Variants in XKR6 observed in about 807,000 individuals in gnomAD.
XKR6 encodes the protein XK-related protein 6.
Under a neutral mutation model 56.7 loss-of-function variants are expected in XKR6, and 22 were observed. The ratio of observed to expected loss-of-function variants is 0.39; its 90% CI spans 0.28 to 0.55. The LOEUF (loss-of-function observed/expected upper bound fraction) is 0.55. Among genes scored for constraint, XKR6 ranks in the 20% least tolerant of loss-of-function variants. XKR6 has a pLI of 0.66. For synonymous variants in XKR6, 524 were observed against 387.8 expected (o/e 1.35, Z -4.13); for missense variants, 852 against 889.0 (o/e 0.96, Z 0.53).
At chr8:11,033,815 C>T (rs951797057) in intron 1 of XKR6, among the ~76,000 whole-genome samples, 1 of 152,096 alleles carries the variant, frequency 6.6e-6, no homozygotes, top group African/African-American at 2.4e-5. Flanking sequence ...CCTAGGGGTC[C>T]AGAAATACAC....
intron 1 of XKR6, among the ~76,000 whole-genome samples, chr8:11,047,953 T>TA (rs1284410326): frequency 1.8e-4 from 27 of 152,274 alleles, no homozygotes; most frequent in African/African-American, 5.8e-4. Context: ...ACTCTAAACT[T>TA]AGAGGAGTTA....
chr8:11,025,104 G>C (rs969049909), intron 1 of XKR6, among the ~76,000 whole-genome samples: 2 of 152,212 alleles, frequency 1.3e-5, no homozygotes, highest in African/African-American at 4.8e-5. Flanking sequence ...ACTGGAGCAT[G>C]TCACAGAGGG....
intron 1 of XKR6, among the ~76,000 whole-genome samples, chr8:10,982,109 G>C (rs1181619678): frequency 1.3e-5 from 2 of 152,216 alleles, no homozygotes. Flanking sequence ...TGCAATCAAT[G>C]AAGTCTACAC....
chr8:11,178,661 A>C (rs1433731249), intron 1 of XKR6, among the ~76,000 whole-genome samples: 1 of 134,678 alleles, frequency 7.4e-6, no homozygotes, highest in Non-Finnish European at 1.5e-5. Flanking sequence ...AAATATATAT[A>C]TATACACAGA....
intron 1 of XKR6, among the ~76,000 whole-genome samples, chr8:11,038,730 G>A (rs1202324738): frequency 4.0e-5 from 6 of 151,882 alleles, no homozygotes; most frequent in East Asian, 3.9e-4. Context: ...TTGTAGAGCC[G>A]ATGCCTCCCT....
intron 1 of XKR6, chr8:11,137,224 G>C (rs1800446961): frequency 4.2e-6 from 1 of 238,990 alleles, no homozygotes; most frequent in Non-Finnish European, 8.2e-6. Context: ...GAGAAGAGCT[G>C]TATGTGGTGA....
intron 1 of XKR6, among the ~76,000 whole-genome samples, chr8:11,051,902 A>C (rs1799558757): frequency 6.6e-6 from 1 of 152,156 alleles, no homozygotes; most frequent in Non-Finnish European, 1.5e-5. Context: ...ACATAGGTAT[A>C]CATATGCCAT....
In XKR6 at chr8:11,033,798, TA is replaced by T. The variant is rs1157942910; in HGVS notation, c.765-108969del. ...CCCAGGTCCACTCGTATCTTCAGAT[TA>T]TGACTCCTAGGGGTCCAGAAATACA... is the stretch of plus-strand genomic sequence containing the variant. On this transcript the variant is annotated intron_variant, in intron 1 of 2. Coordinates refer to ENST00000416569, the MANE Select transcript of XKR6 (RefSeq NM_173683.4). 4.6e-5 allele frequency among the ~76,000 whole-genome samples: 7 copies of T among 152,318 alleles called. No homozygotes were observed. The East Asian group carries it at 1.4e-3, about 29-fold the overall frequency.
intron 2 of XKR6, among the ~76,000 whole-genome samples, chr8:10,911,488 T>TAGAG (rs1344261984): frequency 6.8e-6 from 1 of 146,840 alleles, no homozygotes; most frequent in African/African-American, 2.5e-5. Context: ...TATATATATA[T>TAGAG]AGAGAGAGAG....
Position 11,093,257 on chromosome 8 carries a change from G to A in XKR6, c.764+107319C>T, listed in dbSNP as rs189040912. Among the ~76,000 whole-genome samples the A allele has an allele frequency of 2.1e-3, 323 of 152,230 alleles. 3 individuals are homozygous for A. The highest frequency in any genetic ancestry group is 7.5e-3 in the African/African-American group (312 of 41,524). On this transcript the variant is annotated intron_variant, in intron 1 of 2. Transcript: ENST00000416569. ...TTTAGTAGAGACAGGCTTTCACCAT[G>A]TTGACCAGGCTAGTGTCGAACTCCT...
intron 1 of XKR6, among the ~76,000 whole-genome samples, chr8:10,946,747 C>A (rs973469960): frequency 6.6e-6 from 1 of 152,166 alleles, no homozygotes; most frequent in Non-Finnish European, 1.5e-5. Flanking sequence ...TCCCTGCCCT[C>A]ATGCTGTTCA....
chr8:10,952,862 G>C (rs536616501), intron 1 of XKR6, among the ~76,000 whole-genome samples: 1 of 152,314 alleles, frequency 6.6e-6, no homozygotes, highest in Admixed American at 6.5e-5. Flanking sequence ...CAGGAGGTGA[G>C]TGGCAGGCGA....
intron 1 of XKR6, among the ~76,000 whole-genome samples, chr8:11,092,072 A>G (rs1441622901): frequency 6.6e-6 from 1 of 152,242 alleles, no homozygotes; most frequent in Non-Finnish European, 1.5e-5. Flanking sequence ...AGTTAAGCAT[A>G]CAAATGTTCA....
chr8:10,911,465 ATATG>A (rs1261238880), intron 2 of XKR6, among the ~76,000 whole-genome samples: 4 of 145,554 alleles, frequency 2.7e-5, no homozygotes, highest in Admixed American at 7.0e-5. Flanking sequence ...TAGAGAGAGA[ATATG>A]TATGTGTATA....
At chr8:11,161,382 C>G (rs1801799365) in intron 1 of XKR6, among the ~76,000 whole-genome samples, 1 of 152,200 alleles carries the variant, frequency 6.6e-6, no homozygotes. Context: ...CTCTCCTCAC[C>G]TGAACCAGCC....
At chr8:10,978,375 G>C (rs957762816) in intron 1 of XKR6, among the ~76,000 whole-genome samples, 1 of 152,160 alleles carries the variant, frequency 6.6e-6, no homozygotes, top group Non-Finnish European at 1.5e-5. Flanking sequence ...AATAACTCTT[G>C]TCAAGACTTA....
rs570299760 is a variant in XKR6 at position 11,200,150 on chromosome 8, G to C, written c.764+426C>G. Among the ~76,000 whole-genome samples, 1 of 152,230 alleles carries C rather than the reference G, an allele frequency of 6.6e-6. No individual in the cohort carries two copies. Among genetic ancestry groups the C allele is most frequent in the Non-Finnish European group, 1.5e-5 (1 of 68,032 alleles). On this transcript the variant is annotated intron_variant, in intron 1 of 2. Coordinates refer to ENST00000416569, the MANE Select transcript of XKR6 (RefSeq NM_173683.4). This position sits in a 1 kb window ranked among gnomAD's most constrained non-coding sequence, Gnocchi z 6.4. ...GCAGAGGGAGAACGGGGGAAGAGGG[G>C]AGGATGTCTCACCTGGGAACAAACC...
At chr8:11,191,990 G>A (rs1423685753) in intron 1 of XKR6, among the ~76,000 whole-genome samples, 1 of 152,070 alleles carries the variant, frequency 6.6e-6, no homozygotes, top group Non-Finnish European at 1.5e-5. Flanking sequence ...CATCAGGATA[G>A]GATATGTGTT....
intron 1 of XKR6, among the ~76,000 whole-genome samples, chr8:11,064,477 C>T (rs934848381): frequency 6.6e-6 from 1 of 152,164 alleles, no homozygotes; most frequent in African/African-American, 2.4e-5. Context: ...AGAAAGGAAG[C>T]AGAATAATTT....
Sources: gnomAD v4.1 joint callset for allele counts (sites outside exome capture counted in the v4.1 genomes callset) on GRCh38, gnomAD v4.1.1 for gene constraint, Gnocchi (gnomAD v3.1) non-coding constraint, MANE v1.5 for transcripts, NCBI Gene and HGNC (gene_info 2026-07-23, HGNC 2026-07-21) for gene names.